Variants in CERKL observed in about 807,000 individuals in gnomAD.
CERKL encodes the protein ceramide kinase-like protein.
Under a neutral mutation model 63.4 loss-of-function variants are expected in CERKL, and 61 were observed. That is an observed-to-expected ratio of 0.96 (90% CI 0.78 to 1.19). The LOEUF (loss-of-function observed/expected upper bound fraction) is 1.19, where lower values mean the gene tolerates loss of function less well. CERKL is among the 50% of genes most tolerant of loss of function. The probability of loss-of-function intolerance (pLI) is 0.00; values close to 1 mark genes in which losing one functional copy is unlikely to be tolerated. For synonymous variants in CERKL, 250 were observed against 230.5 expected, an observed-to-expected ratio of 1.08 and a Z score of -0.77; for missense variants, 675 against 655.5, an observed-to-expected ratio of 1.03 and a Z score of -0.33.
intron 1 of CERKL, among the ~76,000 whole-genome samples, chr2:181,619,422 T>C (rs1017444427): frequency 6.6e-6 from 1 of 152,148 alleles, no homozygotes; most frequent in African/African-American, 2.4e-5. Flanking sequence ...CAATTCCTCC[T>C]GAGCCTCAGA....
rs1430224051 is a variant in CERKL at position 181,603,916 on chromosome 2, C to A, written c.402G>T (p.Lys134Asn). ...ICLKKEQNKL[K>N]NSTLDLINLS... ...AATTAATAAGATCAAGTGTAGAATT[C>A]TTTAGTTTATTTTGTTCCTTTTTCA... The change falls in exon 2 of 13, where the codon AAG becomes AAT. Residue 134 changes from lysine (K) to asparagine (N), a missense_variant. By Grantham distance (94) the Lys-to-Asn change is moderately conservative. Transcript: ENST00000410087. The A allele has an allele frequency of 1.2e-6, 2 of 1,612,796 alleles. No homozygotes were observed. Among genetic ancestry groups the A allele is most frequent in the South Asian group, 2.2e-5 (2 of 91,042 alleles).
intron 5 of CERKL, among the ~76,000 whole-genome samples, chr2:181,557,670 G>T (rs1395512814): frequency 1.3e-5 from 2 of 152,010 alleles, no homozygotes; most frequent in Non-Finnish European, 2.9e-5. Flanking sequence ...CTCCAATCAG[G>T]TTGCCCCCTT....
intron 1 of CERKL, among the ~76,000 whole-genome samples, chr2:181,634,193 A>C (rs1188327369): frequency 6.6e-6 from 1 of 152,164 alleles, no homozygotes; most frequent in Non-Finnish European, 1.5e-5. Context: ...AAGGAATACA[A>C]CTCAAATATT....
intron 2 of CERKL, among the ~76,000 whole-genome samples, chr2:181,590,068 CA>C (rs1274107707): frequency 6.6e-6 from 1 of 152,028 alleles, no homozygotes; most frequent in African/African-American, 2.4e-5. Flanking sequence ...ATGATTCAAC[CA>C]CCTTGACCTC....
chr2:181,555,999 A>G (rs935157343), intron 5 of CERKL, among the ~76,000 whole-genome samples: 8 of 151,650 alleles, frequency 5.3e-5, no homozygotes, highest in African/African-American at 1.9e-4. Flanking sequence ...GTGATCCACT[A>G]CCTCGGCCTC....
At chr2:181,598,642 C>T (rs2105886954) in intron 2 of CERKL, among the ~76,000 whole-genome samples, 1 of 152,250 alleles carries the variant, frequency 6.6e-6, no homozygotes, top group East Asian at 1.9e-4. Flanking sequence ...AGCCCACTAC[C>T]AGAAAGGCTT....
chr2:181,586,591 G>A (rs1035479155), intron 2 of CERKL, among the ~76,000 whole-genome samples: 1 of 152,120 alleles, frequency 6.6e-6, no homozygotes. Flanking sequence ...CAGTCCTTTG[G>A]TAACTTCCCA....
At chr2:181,622,969 A>C (rs1228232683) in intron 1 of CERKL, among the ~76,000 whole-genome samples, 1 of 152,202 alleles carries the variant, frequency 6.6e-6, no homozygotes. Flanking sequence ...TGTGGAGTAC[A>C]CTTAACCAAA....
chr2:181,572,355 C>T (rs996064114), intron 3 of CERKL, among the ~76,000 whole-genome samples: 1 of 152,140 alleles, frequency 6.6e-6, no homozygotes, highest in Non-Finnish European at 1.5e-5. Flanking sequence ...TTATTCATCT[C>T]GCATCCTGCA....
intron 1 of CERKL, among the ~76,000 whole-genome samples, chr2:181,641,231 C>T (rs1426937917): frequency 1.3e-5 from 2 of 150,680 alleles, no homozygotes; most frequent in Admixed American, 6.6e-5. Context: ...CTAATCTACA[C>T]ATAATAAAAA....
At chr2:181,633,464 G>T (rs1202909454) in intron 1 of CERKL, among the ~76,000 whole-genome samples, 1 of 152,126 alleles carries the variant, frequency 6.6e-6, no homozygotes, top group East Asian at 1.9e-4. Flanking sequence ...CTTGGGTTTA[G>T]GTTTGGTATC....
At chr2:181,572,852 T>C (rs2105844909) in intron 3 of CERKL, among the ~76,000 whole-genome samples, 1 of 151,318 alleles carries the variant, frequency 6.6e-6, no homozygotes, top group East Asian at 1.9e-4. Flanking sequence ...AATGATATTA[T>C]TAACATCTTG....
At chr2:181,656,503 C>T (rs187538295) in intron 1 of CERKL, among the ~76,000 whole-genome samples, 24 of 151,564 alleles carry the variant, frequency 1.6e-4, no homozygotes, top group Admixed American at 6.6e-4. Flanking sequence ...GACGTTTGCC[C>T]GGGGAAGGTC....
chr2:181,598,667 A>G (rs1685324621), intron 2 of CERKL, among the ~76,000 whole-genome samples: 1 of 152,118 alleles, frequency 6.6e-6, no homozygotes, highest in African/African-American at 2.4e-5. Flanking sequence ...CTACTCCACA[A>G]AATAAGCTTC....
chr2:181,548,441 T>C (rs1260639366), intron 8 of CERKL, 104 bp downstream of exon 8: 3 of 878,880 alleles, frequency 3.4e-6, no homozygotes, highest in African/African-American at 3.3e-5. Context: ...TTTACTACTA[T>C]GTTAGAAAAA....
intron 1 of CERKL, among the ~76,000 whole-genome samples, chr2:181,641,762 A>G (rs748317888): frequency 3.9e-5 from 6 of 152,204 alleles, no homozygotes; most frequent in Non-Finnish European, 7.3e-5. Context: ...ATTAATAAAA[A>G]TTAAATATAA....
At chr2:181,641,362 T>C (rs1482783582) in intron 1 of CERKL, among the ~76,000 whole-genome samples, 2 of 125,874 alleles carry the variant, frequency 1.6e-5, no homozygotes, top group African/African-American at 5.7e-5. Context: ...TATACACATA[T>C]TTTTTTCCCT....
chr2:181,581,945 G>A (rs1684531392), intron 2 of CERKL, among the ~76,000 whole-genome samples: 1 of 152,224 alleles, frequency 6.6e-6, no homozygotes, highest in South Asian at 2.1e-4. Flanking sequence ...AACATCTGTA[G>A]AATAGGGCAT....
chr2:181,603,896 A>G lies in CERKL; in HGVS notation c.422T>C (p.Ile141Thr). 2 of 1,613,220 alleles carry G rather than the reference A, an allele frequency of 1.2e-6. No homozygotes were observed. Among genetic ancestry groups the G allele is most frequent in the Non-Finnish European group, 1.7e-6 (2 of 1,179,384 alleles). The part of the protein sequence containing the change: ...NKLKNSTLDL[I>T]NLSEDHCDIW... ...GTCACAGTGGTCTTCACTTAAATTA[A>G]TAAGATCAAGTGTAGAATTCTTTAG... The change falls in exon 2 of 13, where the codon ATT becomes ACT. Residue 141 changes from isoleucine (I) to threonine (T), a missense_variant. Transcript: ENST00000410087.
Sources: gnomAD v4.1 joint callset for allele counts (sites outside exome capture counted in the v4.1 genomes callset) on GRCh38, gnomAD v4.1.1 for gene constraint, MANE v1.5 for transcripts, NCBI Gene and HGNC (gene_info 2026-07-23, HGNC 2026-07-21) for gene names.